CALN1: variants seen among roughly 807,000 people sequenced by gnomAD.
CALN1 encodes calneuron 1.
In CALN1, 17 loss-of-function variants were observed where a neutral mutation model predicts 30.6. The observed-to-expected ratio is 0.56, with a 90% confidence interval of 0.38 to 0.83. The LOEUF (loss-of-function observed/expected upper bound fraction) is 0.83, where lower values mean the gene tolerates loss of function less well. Ranked by LOEUF, CALN1 falls within the 40% of genes least tolerant of loss-of-function variation. CALN1 has a pLI of 0.00. For synonymous variants in CALN1, 156 were observed against 131.4 expected (o/e 1.19, Z -1.28); for missense variants, 291 against 354.9 (o/e 0.82, Z 1.45).
chr7:71,796,737 C>T (rs1040011663), intron 6 of CALN1, among the ~76,000 whole-genome samples: 13 of 152,098 alleles, frequency 8.5e-5, no homozygotes, highest in African/African-American at 2.9e-4. Flanking sequence ...TTCTATCTTC[C>T]CACTAAACCT....
chr7:71,949,811 G>C (rs1283595459), intron 5 of CALN1, among the ~76,000 whole-genome samples: 1 of 151,710 alleles, frequency 6.6e-6, no homozygotes, highest in African/African-American at 2.4e-5. Flanking sequence ...GCCCAGGCTG[G>C]AGTGCAGTGG....
chr7:71,819,897 G>A (rs1391655012), intron 5 of CALN1, among the ~76,000 whole-genome samples: 3 of 152,034 alleles, frequency 2.0e-5, no homozygotes, highest in Non-Finnish European at 2.9e-5. Context: ...CACAACCATC[G>A]GAATGGACCC....
chr7:71,970,340 G>A (rs1016421964), intron 5 of CALN1, among the ~76,000 whole-genome samples: 5 of 152,096 alleles, frequency 3.3e-5, no homozygotes, highest in Admixed American at 1.3e-4. Context: ...TTAATCCTGC[G>A]AGAAAACAGT....
At chr7:72,220,402 A>G (rs1793196422) in intron 3 of CALN1, among the ~76,000 whole-genome samples, 1 of 151,808 alleles carries the variant, frequency 6.6e-6, no homozygotes, top group African/African-American at 2.4e-5. Context: ...ATAGTATTCC[A>G]TGGTGTATAT....
chr7:71,948,030 T>G (rs1020115542), intron 5 of CALN1, among the ~76,000 whole-genome samples: 10 of 152,144 alleles, frequency 6.6e-5, no homozygotes, highest in African/African-American at 2.4e-4. Context: ...AGTGCATTTT[T>G]GGGGGACTGA....
chr7:72,097,802 C>A (rs1332944372), intron 4 of CALN1, among the ~76,000 whole-genome samples: 1 of 152,106 alleles, frequency 6.6e-6, no homozygotes, highest in African/African-American at 2.4e-5. Flanking sequence ...CAACCTCTGA[C>A]TCCCAGGTTC....
Position 72,264,228 on chromosome 7 carries a change from A to T in CALN1, c.244+14458T>A, listed in dbSNP as rs1046135375. Among the ~76,000 whole-genome samples the T allele has an allele frequency of 2.0e-5, 3 of 152,144 alleles. No homozygotes were observed. The East Asian group carries it at 5.8e-4, about 29-fold the overall frequency. ...CTTTACAAGGAAAAGTCGCTCTGAA[A>T]CAATCAATCTGCTTTTTTTGTTTTC... On this transcript the variant is annotated intron_variant, in intron 3 of 6. Transcript: ENST00000395275.
intron 2 of CALN1, among the ~76,000 whole-genome samples, chr7:72,316,967 C>T (rs931455446): frequency 4.6e-5 from 4 of 86,552 alleles, no homozygotes; most frequent in African/African-American, 9.3e-5. Flanking sequence ...AACAAATAAA[C>T]GAAAGGAAAG....
At chr7:72,062,079 C>T (rs1211410254) in intron 4 of CALN1, among the ~76,000 whole-genome samples, 1 of 152,202 alleles carries the variant, frequency 6.6e-6, no homozygotes, top group Non-Finnish European at 1.5e-5. Flanking sequence ...AACTGTCAAC[C>T]CAGAATTCTA....
chr7:72,250,839 G>A (rs1192966694), intron 3 of CALN1, among the ~76,000 whole-genome samples: 2 of 152,106 alleles, frequency 1.3e-5, no homozygotes, highest in Admixed American at 6.5e-5. Context: ...GCAGAACCAT[G>A]AGCCAAATAA....
At chr7:71,952,438 C>G (rs564050475) in intron 5 of CALN1, among the ~76,000 whole-genome samples, 1 of 152,326 alleles carries the variant, frequency 6.6e-6, no homozygotes, top group East Asian at 1.9e-4. Context: ...AGAGAAGGAG[C>G]TGCTCTGCCA....
chr7:72,386,571 G>A (rs2129561145), intron 2 of CALN1, among the ~76,000 whole-genome samples: 1 of 152,308 alleles, frequency 6.6e-6, no homozygotes, highest in Middle Eastern at 3.4e-3. Flanking sequence ...CAGTAAACAA[G>A]GGGAGAATTC....
chr7:72,298,984 G>A (rs1799059241), intron 2 of CALN1, among the ~76,000 whole-genome samples: 1 of 152,044 alleles, frequency 6.6e-6, no homozygotes, highest in African/African-American at 2.4e-5. Flanking sequence ...AAATTGTCCA[G>A]TCTCTGGTAT....
intron 2 of CALN1, among the ~76,000 whole-genome samples, chr7:72,315,937 A>G (rs1418408842): frequency 6.6e-6 from 1 of 152,032 alleles, no homozygotes; most frequent in South Asian, 2.1e-4. Context: ...ACTTGAGGTC[A>G]AGAGCTCAAG....
intron 4 of CALN1, among the ~76,000 whole-genome samples, chr7:72,087,874 G>C (rs543002499): frequency 9.2e-5 from 14 of 152,262 alleles, no homozygotes; most frequent in African/African-American, 3.4e-4. Flanking sequence ...TAAAAATTGA[G>C]AGTGTACGCT....
intron 3 of CALN1, among the ~76,000 whole-genome samples, chr7:72,224,678 G>A (rs1166802257): frequency 6.6e-6 from 1 of 152,036 alleles, no homozygotes; most frequent in African/African-American, 2.4e-5. Context: ...CTACTCGGGA[G>A]GCTGAGACAC....
At chr7:72,335,047 A>C (rs547221606) in intron 2 of CALN1, among the ~76,000 whole-genome samples, 2 of 152,204 alleles carry the variant, frequency 1.3e-5, no homozygotes, top group African/African-American at 2.4e-5. Flanking sequence ...AATGAATCCT[A>C]AACTGGGCGT....
At position 71,787,350 on chromosome 7, in the gene CALN1, A is replaced by G. The variant is rs1212906490; in HGVS notation, c.*425T>C. On this transcript the variant is annotated 3_prime_UTR_variant, in exon 7 of 7. Transcript: ENST00000395275. ...CTTGGAACTGAGGGTTGACCTCAGC[A>G]GAGAGTCTCCTGTTGACCCTTGGGT... 5.9e-6 allele frequency: 1 copy of G among 168,792 alleles called. No homozygotes were observed. Among genetic ancestry groups the G allele is most frequent in the African/African-American group, 2.4e-5 (1 of 42,352 alleles). The allele number at this position is 168,792 out of a possible 1,614,324, so 10.5% of individuals were successfully genotyped here. A position where few individuals can be genotyped will look rare whatever the true frequency, so the allele number is the denominator to read the frequency against.
intron 2 of CALN1, among the ~76,000 whole-genome samples, chr7:72,386,371 T>C (rs998043800): frequency 2.0e-5 from 3 of 152,156 alleles, no homozygotes; most frequent in Middle Eastern, 3.2e-3. Flanking sequence ...CTTAAGTAAC[T>C]TTGGAAATGG....
Sources: gnomAD v4.1 joint callset for allele counts (sites outside exome capture counted in the v4.1 genomes callset) on GRCh38, gnomAD v4.1.1 for gene constraint, MANE v1.5 for transcripts, NCBI Gene and HGNC (gene_info 2026-07-23, HGNC 2026-07-21) for gene names.